The following RANBP2 variants were observed in gnomAD, a reference collection of about 807,000 sequenced individuals.
RANBP2 encodes E3 SUMO-protein ligase RanBP2.
RANBP2 carries 57 observed loss-of-function variants against 303.6 expected under a neutral mutation model. The ratio of observed to expected loss-of-function variants is 0.19; its 90% CI spans 0.15 to 0.23. RANBP2 has a LOEUF of 0.23. RANBP2 is among the 10% of genes least tolerant of loss of function. The pLI, the probability that RANBP2 is intolerant of heterozygous loss-of-function variation, is 1.00. For synonymous variants in RANBP2, 1,167 were observed against 1,301.5 expected (o/e 0.90, Z 2.23); for missense variants, 3,138 against 3,780.8 (o/e 0.83, Z 4.46).
chr2:108,870,726 C>T, the RANBP2 span, among the ~76,000 whole-genome samples: 9 of 152,142 alleles, frequency 5.9e-5, no homozygotes, highest in Non-Finnish European at 1.2e-4. Context: ...AAGCCAGGCA[C>T]AAAAGGATAT....
chr2:109,514,397 C>G, the RANBP2 span, among the ~76,000 whole-genome samples: 3 of 152,192 alleles, frequency 2.0e-5, no homozygotes, highest in African/African-American at 7.2e-5. Context: ...GCCCATCCGC[C>G]CACCGCCCCC....
At chr2:109,100,116 T>C in the RANBP2 span, among the ~76,000 whole-genome samples, 2 of 152,234 alleles carry the variant, frequency 1.3e-5, no homozygotes, top group Non-Finnish European at 2.9e-5. Context: ...TAATAGATAG[T>C]TTACATCTCA....
chr2:108,772,019 G>T (rs1677538922), intron 21 of RANBP2, 148 bp downstream of exon 21: 1 of 1,058,608 alleles, frequency 9.4e-7, no homozygotes, highest in Non-Finnish European at 1.4e-6. Context: ...TGTGTAAATG[G>T]TCAATGGATA....
In RANBP2 at chr2:108,719,584, T is replaced by A; in HGVS notation, c.-23T>A. On this transcript the variant is annotated 5_prime_UTR_variant, in exon 1 of 29. Coordinates refer to ENST00000283195, the MANE Select transcript of RANBP2 (RefSeq NM_006267.5). ...GGCCTGAGCGCTGGTCTCACGCGCC[T>A]CGGGAGCCAGGTTGGCGGCGCGATG... 1 of 1,596,924 alleles carries A rather than the reference T, an allele frequency of 6.3e-7. No individual in the cohort carries two copies.
the RANBP2 span, among the ~76,000 whole-genome samples, chr2:109,482,631 T>C: frequency 6.6e-6 from 1 of 152,200 alleles, no homozygotes; most frequent in East Asian, 1.9e-4. Flanking sequence ...TTCACCATCG[T>C]TTTGAGTGCT....
the RANBP2 span, chr2:109,543,779 A>AAT: frequency 5.6e-6 from 1 of 178,222 alleles, no homozygotes; most frequent in Non-Finnish European, 1.2e-5. Flanking sequence ...AACAACAGTG[A>AAT]ATATATATGA....
At chr2:109,674,999 T>A in the RANBP2 span, among the ~76,000 whole-genome samples, 1 of 152,166 alleles carries the variant, frequency 6.6e-6, no homozygotes, top group Non-Finnish European at 1.5e-5. Context: ...AGACAGGGTT[T>A]CTCTCTGTCA....
the RANBP2 span, among the ~76,000 whole-genome samples, chr2:109,263,463 G>C: frequency 2.6e-5 from 4 of 152,322 alleles, no homozygotes; most frequent in East Asian, 7.7e-4. Context: ...TGAAATAGTA[G>C]CTAGAATATG....
chr2:108,815,966 A>T, the RANBP2 span: 1 of 1,611,322 alleles, frequency 6.2e-7, no homozygotes, highest in Non-Finnish European at 8.5e-7. Context: ...CAAGTTTATG[A>T]ACTTTTAACT....
chr2:109,483,666 G>T, the RANBP2 span, among the ~76,000 whole-genome samples: 2 of 152,190 alleles, frequency 1.3e-5, no homozygotes, highest in Admixed American at 6.5e-5. Flanking sequence ...GTCAAGGCTG[G>T]ACACACAAAG....
chr2:109,075,979 A>C, the RANBP2 span, among the ~76,000 whole-genome samples: 3 of 150,760 alleles, frequency 2.0e-5, no homozygotes, highest in African/African-American at 7.3e-5. Context: ...AACCAAAGAA[A>C]CCACAAGAAA....
At chr2:108,920,467 T>A in the RANBP2 span, among the ~76,000 whole-genome samples, 3 of 152,190 alleles carry the variant, frequency 2.0e-5, no homozygotes, top group Non-Finnish European at 4.4e-5. Context: ...AAAGCTCTGG[T>A]CACCCCAAGT....
chr2:109,248,766 CTCTT>C, the RANBP2 span, among the ~76,000 whole-genome samples: 1 of 151,288 alleles, frequency 6.6e-6, no homozygotes, highest in African/African-American at 2.4e-5. Flanking sequence ...CTCTCTCTCT[CTCTT>C]TCTCTTCTTT....
At chr2:109,493,742 GACAC>G in the RANBP2 span, among the ~76,000 whole-genome samples, 2 of 151,004 alleles carry the variant, frequency 1.3e-5, no homozygotes, top group East Asian at 2.0e-4. Flanking sequence ...ACATTATGCA[GACAC>G]ACACACTGCA....
the RANBP2 span, chr2:109,545,011 A>C: frequency 9.1e-6 from 9 of 985,334 alleles, no homozygotes; most frequent in African/African-American, 1.7e-5. Flanking sequence ...ACTTCTCCAT[A>C]TTTAAAAATT....
chr2:109,084,669 G>A, the RANBP2 span, among the ~76,000 whole-genome samples: 1 of 152,190 alleles, frequency 6.6e-6, no homozygotes, highest in Non-Finnish European at 1.5e-5. Flanking sequence ...AGGTTCGAAG[G>A]AGCTGAGACC....
At chr2:109,266,560 A>G in the RANBP2 span, among the ~76,000 whole-genome samples, 12 of 152,070 alleles carry the variant, frequency 7.9e-5, no homozygotes, top group African/African-American at 1.9e-4. Flanking sequence ...CACTGGTGAC[A>G]CCAGGGACGT....
the RANBP2 span, among the ~76,000 whole-genome samples, chr2:109,118,093 G>A: frequency 6.6e-6 from 1 of 152,322 alleles, no homozygotes; most frequent in East Asian, 1.9e-4. Context: ...AGGCACAAAG[G>A]CCTTCTGCGG....
chr2:109,386,301 A>G, the RANBP2 span, among the ~76,000 whole-genome samples: 1 of 152,196 alleles, frequency 6.6e-6, no homozygotes, highest in Non-Finnish European at 1.5e-5. Context: ...TGGAGCATGT[A>G]CAGGTGACAT....
Sources: gnomAD v4.1 joint callset for allele counts (sites outside exome capture counted in the v4.1 genomes callset) on GRCh38, gnomAD v4.1.1 for gene constraint, MANE v1.5 for transcripts, NCBI Gene and HGNC (gene_info 2026-07-23, HGNC 2026-07-21) for gene names.